The following PSMA1 variants were observed in gnomAD, a reference collection of about 807,000 sequenced individuals.
PSMA1 encodes proteasome subunit alpha type-1.
PSMA1 carries 3 observed loss-of-function variants against 38.4 expected under a neutral mutation model. The observed-to-expected ratio is 0.08, with a 90% CI of 0.04 to 0.20. The LOEUF (loss-of-function observed/expected upper bound fraction) is 0.20, where lower values mean the gene tolerates loss of function less well. PSMA1 is among the 10% of genes least tolerant of loss of function. PSMA1 has a pLI of 1.00. For synonymous variants in PSMA1, 101 were observed against 107.1 expected, an observed-to-expected ratio of 0.94 and a Z score of 0.35; for missense variants, 227 against 325.3, an observed-to-expected ratio of 0.70 and a Z score of 2.32.
chr11:14,551,575 C>A (rs1165173352), intron 2 of PSMA1, among the ~76,000 whole-genome samples: 1 of 152,198 alleles, frequency 6.6e-6, no homozygotes, highest in Non-Finnish European at 1.5e-5. Context: ...CAGACAAGGA[C>A]ATTTTCAAAG....
At chr11:14,535,693 C>T (rs1486068802) in intron 2 of PSMA1, among the ~76,000 whole-genome samples, 1 of 152,230 alleles carries the variant, frequency 6.6e-6, no homozygotes, top group East Asian at 1.9e-4. Flanking sequence ...GATGCGCCCA[C>T]CTCGGCCTCC....
chr11:14,505,848 GA>G (rs1370251869), intron 9 of PSMA1, among the ~76,000 whole-genome samples: 1 of 151,640 alleles, frequency 6.6e-6, no homozygotes, highest in East Asian at 1.9e-4. Flanking sequence ...CTACTAAAAA[GA>G]AAAAAAATGT....
chr11:14,553,950 A>C (rs1451822278), intron 2 of PSMA1, among the ~76,000 whole-genome samples: 1 of 152,142 alleles, frequency 6.6e-6, no homozygotes, highest in East Asian at 1.9e-4. Flanking sequence ...GATATATGAG[A>C]GAGTCAGTTT....
At chr11:14,599,037 C>A (rs756419919) in intron 2 of PSMA1, among the ~76,000 whole-genome samples, 1 of 152,048 alleles carries the variant, frequency 6.6e-6, no homozygotes, top group Non-Finnish European at 1.5e-5. Context: ...GTTGAAAATT[C>A]TTTTCTTTAA....
chr11:14,616,856 G>C (rs1404153398), intron 1 of PSMA1, among the ~76,000 whole-genome samples: 2 of 152,130 alleles, frequency 1.3e-5, no homozygotes, highest in Admixed American at 1.3e-4. Context: ...TGGCTCCAGA[G>C]TCTATGCACC....
At chr11:14,573,448 G>A (rs1199449196) in intron 2 of PSMA1, among the ~76,000 whole-genome samples, 6 of 152,112 alleles carry the variant, frequency 3.9e-5, no homozygotes. Context: ...AAAGGCCTTT[G>A]ACAAAATTCA....
chr11:14,542,632 A>T (rs1703670882), intron 2 of PSMA1, among the ~76,000 whole-genome samples: 1 of 152,200 alleles, frequency 6.6e-6, no homozygotes, highest in Non-Finnish European at 1.5e-5. Context: ...TTTATTAAAG[A>T]GTCATTGCCC....
chr11:14,531,196 G>T (rs947327036), intron 2 of PSMA1, among the ~76,000 whole-genome samples: 4 of 151,906 alleles, frequency 2.6e-5, no homozygotes, highest in African/African-American at 9.7e-5. Context: ...TATTACATGG[G>T]TAGATTGCGT....
chr11:14,611,046 T>C, exon 2 of PSMA1: 1 of 1,560,852 alleles, frequency 6.4e-7, no homozygotes, highest in East Asian at 2.2e-5. Context: ...TGGATTTGAC[T>C]TGTCATTGTC....
intron 2 of PSMA1, among the ~76,000 whole-genome samples, chr11:14,589,607 G>A (rs1216873927): frequency 6.6e-6 from 1 of 152,042 alleles, no homozygotes; most frequent in African/African-American, 2.4e-5. Context: ...GAAGGAATGT[G>A]TAGGATCACT....
At chr11:14,634,156 G>T (rs1383749892) in intron 1 of PSMA1, among the ~76,000 whole-genome samples, 2 of 152,096 alleles carry the variant, frequency 1.3e-5, no homozygotes, top group Non-Finnish European at 2.9e-5. Flanking sequence ...GGCCATCTTG[G>T]CTCCTCTGAT....
At chr11:14,514,073 G>GA in intron 5 of PSMA1, 186 bp from the exon 6 acceptor site, 2 of 1,320,562 alleles carry the variant, frequency 1.5e-6, no homozygotes, top group South Asian at 2.4e-5. Context: ...CCGAACCTAA[G>GA]AAAGAGTGCC....
chr11:14,508,970 G>T (rs1851296401), intron 8 of PSMA1, among the ~76,000 whole-genome samples: 2 of 152,078 alleles, frequency 1.3e-5, no homozygotes, highest in South Asian at 4.1e-4. Flanking sequence ...TCTTGGTCCA[G>T]TCCTCACAAT....
At chr11:14,604,791 A>G (rs1852621848) in intron 2 of PSMA1, among the ~76,000 whole-genome samples, 1 of 152,024 alleles carries the variant, frequency 6.6e-6, no homozygotes, top group Non-Finnish European at 1.5e-5. Flanking sequence ...TTTAGCTCCT[A>G]CTTATAAGTG....
At chr11:14,600,436 A>C (rs1047283118) in intron 2 of PSMA1, among the ~76,000 whole-genome samples, 2 of 152,090 alleles carry the variant, frequency 1.3e-5, no homozygotes, top group African/African-American at 4.8e-5. Flanking sequence ...TTACCTACTC[A>C]AGCCTCAGCA....
chr11:14,548,837 C>T (rs977554006), intron 2 of PSMA1, among the ~76,000 whole-genome samples: 2 of 152,110 alleles, frequency 1.3e-5, no homozygotes, highest in African/African-American at 4.8e-5. Context: ...GACCTACTTT[C>T]CCTCACACCC....
In PSMA1 at chr11:14,572,879, A is replaced by G. The variant is rs1161825458; in HGVS notation, c.21+38087T>C. On this transcript the variant is annotated intron_variant, in intron 2 of 10. Transcript: ENST00000418988. ...ATACAAACTACCATCAGAGAATACT[A>G]TAAACACCTCTACGCAAATAAACTA... Among the ~76,000 whole-genome samples, 4 of 152,224 alleles carry G rather than the reference A, an allele frequency of 2.6e-5. No homozygotes were observed. In the South Asian group the frequency reaches 6.2e-4, roughly 24 times the overall value.
chr11:14,505,368 A>G (rs1190026958), intron 9 of PSMA1, 120 bp from the exon 10 acceptor site: 1 of 854,384 alleles, frequency 1.2e-6, no homozygotes, highest in East Asian at 2.5e-5. Flanking sequence ...TATTCTGAAT[A>G]CTCAGTTTTA....
At chr11:14,531,079 C>T (rs550667035) in intron 2 of PSMA1, among the ~76,000 whole-genome samples, 13 of 152,112 alleles carry the variant, frequency 8.5e-5, no homozygotes, top group African/African-American at 3.1e-4. Flanking sequence ...ATTGCTTATA[C>T]TTTGTCATTG....
Sources: gnomAD v4.1 joint callset for allele counts (sites outside exome capture counted in the v4.1 genomes callset) on GRCh38, gnomAD v4.1.1 for gene constraint, MANE v1.5 for transcripts, NCBI Gene and HGNC (gene_info 2026-07-23, HGNC 2026-07-21) for gene names.